The following ERG variants were observed in gnomAD, a reference collection of about 807,000 sequenced individuals.
The protein encoded by ERG is transcriptional regulator ERG.
In ERG, 9 loss-of-function variants were observed where a neutral mutation model predicts 55.3. The observed-to-expected ratio is 0.16, with a 90% CI of 0.10 to 0.28. The LOEUF (loss-of-function observed/expected upper bound fraction) is 0.28, where lower values mean the gene tolerates loss of function less well. Among genes scored for constraint, ERG ranks in the 10% least tolerant of loss-of-function variants. The probability of loss-of-function intolerance (pLI) is 1.00; values close to 1 mark genes in which losing one functional copy is unlikely to be tolerated. For synonymous variants in ERG, 223 were observed against 237.3 expected (o/e 0.94, Z 0.55); for missense variants, 434 against 631.6 (o/e 0.69, Z 3.35).
chr21:38,423,311 G>A lies in ERG; in HGVS notation c.388+99C>T, dbSNP rs533528399. 3.9e-6 allele frequency: 5 copies of A among 1,293,660 alleles called. No homozygotes were observed. In the Admixed American group the frequency reaches 1.1e-4, roughly 28 times the overall value. The allele number at this position is 1,293,660 out of a possible 1,614,324, so 80.1% of individuals were successfully genotyped here. ...GCCCTGCTCTGGACAAAGGAGATGT[G>A]ATCAATGCCACAGGTGGGGGAGAAG... On this transcript the variant is annotated intron_variant, in intron 3 of 9. Transcript: ENST00000288319.
chr21:38,415,509 T>C (rs1259300552), intron 3 of ERG, among the ~76,000 whole-genome samples: 2 of 152,166 alleles, frequency 1.3e-5, no homozygotes, highest in Non-Finnish European at 2.9e-5. Flanking sequence ...GGTTTTGTTA[T>C]TTAGTTGTTT....
At chr21:38,553,861 A>G (rs1203822509) in intron 2 of ERG, among the ~76,000 whole-genome samples, 1 of 142,152 alleles carries the variant, frequency 7.0e-6, no homozygotes, top group African/African-American at 2.5e-5. Context: ...GCTTCTGCAC[A>G]GCAAAAGAAA....
intron 1 of ERG, among the ~76,000 whole-genome samples, chr21:38,483,464 CTT>C (rs2059255991): frequency 6.6e-6 from 1 of 152,188 alleles, no homozygotes; most frequent in African/African-American, 2.4e-5. Context: ...TCAAACCACT[CTT>C]TTGGAAAAGT....
chr21:38,430,363 T>G (rs535934965), intron 2 of ERG, among the ~76,000 whole-genome samples: 1 of 152,364 alleles, frequency 6.6e-6, no homozygotes, highest in South Asian at 2.1e-4. Flanking sequence ...CTCTGTGGGT[T>G]GTCTGTTTGC....
At chr21:38,484,282 T>C (rs910792906) in intron 1 of ERG, among the ~76,000 whole-genome samples, 1 of 152,140 alleles carries the variant, frequency 6.6e-6, no homozygotes, top group Admixed American at 6.5e-5. Flanking sequence ...TATAGATTCT[T>C]AATCATGATT....
At chr21:38,417,089 A>G (rs546674828) in intron 3 of ERG, among the ~76,000 whole-genome samples, 55 of 152,318 alleles carry the variant, frequency 3.6e-4, no homozygotes, top group African/African-American at 1.0e-3. Flanking sequence ...CTTACCCCAC[A>G]TGGGTGGGTC....
At chr21:38,485,174 T>C (rs749385398) in intron 1 of ERG, among the ~76,000 whole-genome samples, 4 of 152,094 alleles carry the variant, frequency 2.6e-5, no homozygotes, top group African/African-American at 7.2e-5. Context: ...AACAGTGATA[T>C]TGATGATCCT....
intron 2 of ERG, among the ~76,000 whole-genome samples, chr21:38,437,430 C>T (rs2058801322): frequency 6.6e-6 from 1 of 152,200 alleles, no homozygotes; most frequent in African/African-American, 2.4e-5. Flanking sequence ...CTGTGACCAG[C>T]AGAAACACGA....
intron 1 of ERG, among the ~76,000 whole-genome samples, chr21:38,576,391 C>T (rs944482240): frequency 6.6e-6 from 1 of 152,170 alleles, no homozygotes; most frequent in Non-Finnish European, 1.5e-5. Context: ...CAGAACCAAA[C>T]TTCAAATCAG....
At chr21:38,488,563 A>G (rs1201433903) in intron 1 of ERG, among the ~76,000 whole-genome samples, 1 of 152,204 alleles carries the variant, frequency 6.6e-6, no homozygotes, top group East Asian at 1.9e-4. Context: ...AAGGGCCTAA[A>G]CAATGCATTC....
At chr21:38,472,827 G>C (rs182567287) in intron 1 of ERG, among the ~76,000 whole-genome samples, 1 of 152,238 alleles carries the variant, frequency 6.6e-6, no homozygotes, top group Non-Finnish European at 1.5e-5. Context: ...TTGGAGCTCA[G>C]ACCTGCAGTC....
chr21:38,494,078 G>C (rs1049717560), intron 1 of ERG, among the ~76,000 whole-genome samples: 6 of 152,234 alleles, frequency 3.9e-5, no homozygotes, highest in African/African-American at 1.4e-4. Context: ...ACTGAGATCA[G>C]ACAGGCTAGC....
At chr21:38,642,094 A>G (rs2060428638) in intron 1 of ERG, among the ~76,000 whole-genome samples, 1 of 152,280 alleles carries the variant, frequency 6.6e-6, no homozygotes, top group Non-Finnish European at 1.5e-5. Context: ...AGACAGTTTA[A>G]AAGTAATGTG....
rs1987561166 is a variant in ERG at position 38,383,739 on chromosome 21, G to A, written c.1104C>T (p.Ala368=). 6.2e-7 allele frequency: 1 copy of A among 1,614,020 alleles called. No homozygotes were observed. The highest frequency in any genetic ancestry group is 1.1e-5 in the South Asian group (1 of 91,092). Residue 368 remains alanine (A), a synonymous_variant, in exon 10 of 10, where the codon GCC becomes GCT. Transcript: ENST00000288319. This position sits in a 1 kb window ranked among gnomAD's most constrained non-coding sequence, Gnocchi z 5.7. ...PNMNYDKLSR[A]LRYYYDKNIM... Reference sequence around the variant, plus strand: ...TGTTCTTGTCATAGTAGTAACGGAGGGCGCGGCTGAGCTTATCGTAGTTCA... The same window carrying A: ...TGTTCTTGTCATAGTAGTAACGGAGAGCGCGGCTGAGCTTATCGTAGTTCA...
intron 2 of ERG, among the ~76,000 whole-genome samples, chr21:38,426,476 A>G (rs966463209): frequency 1.3e-5 from 2 of 152,226 alleles, no homozygotes. Context: ...CTCAAGTAAC[A>G]ACTATAAAAT....
intron 1 of ERG, among the ~76,000 whole-genome samples, chr21:38,639,366 TA>T (rs57735416): frequency 0.18 from 26,853 of 147,516 alleles, 2,484 homozygotes; most frequent in East Asian, 0.3. Flanking sequence ...GTTTTAACTT[TA>T]AAAAAAAAAA....
At chr21:38,525,950 C>T (rs190035767) in intron 2 of ERG, among the ~76,000 whole-genome samples, 3 of 152,112 alleles carry the variant, frequency 2.0e-5, no homozygotes, top group African/African-American at 4.8e-5. Context: ...ATTAAGAATC[C>T]GTTTAAAAAA....
chr21:38,575,372 T>A (rs1272204060), intron 2 of ERG, among the ~76,000 whole-genome samples: 4 of 152,228 alleles, frequency 2.6e-5, no homozygotes, highest in Non-Finnish European at 5.9e-5. Context: ...CCTACTCAAC[T>A]GTGCCATTAT....
chr21:38,612,029 A>G (rs898286122), intron 1 of ERG, among the ~76,000 whole-genome samples: 2 of 152,184 alleles, frequency 1.3e-5, no homozygotes, highest in African/African-American at 2.4e-5. Flanking sequence ...CATTTTTCTC[A>G]AGTCAGTTAT....
Sources: gnomAD v4.1 joint callset for allele counts (sites outside exome capture counted in the v4.1 genomes callset) on GRCh38, gnomAD v4.1.1 for gene constraint, Gnocchi (gnomAD v3.1) non-coding constraint, MANE v1.5 for transcripts, NCBI Gene and HGNC (gene_info 2026-07-23, HGNC 2026-07-21) for gene names.